PCSK5: variants seen among roughly 807,000 people sequenced by gnomAD.
PCSK5 encodes prohormone convertase 5.
PCSK5 carries 129 observed loss-of-function variants against 233.2 expected under a neutral mutation model. That is an observed-to-expected ratio of 0.55 (90% CI 0.48 to 0.64). The LOEUF is 0.64. Among genes scored for constraint, PCSK5 ranks in the 30% least tolerant of loss-of-function variants. The probability of loss-of-function intolerance (pLI) is 0.00; values close to 1 mark genes in which losing one functional copy is unlikely to be tolerated. For missense variants in PCSK5, 2,076 were observed against 2,430.1 expected (o/e 0.85, Z 3.06); for synonymous variants, 825 against 879.2 (o/e 0.94, Z 1.09).
intron 5 of PCSK5, among the ~76,000 whole-genome samples, chr9:76,053,202 T>A (rs1355143459): frequency 2.0e-5 from 3 of 152,190 alleles, no homozygotes; most frequent in African/African-American, 7.2e-5. Context: ...ACAGCTCTGC[T>A]ACGCAGTGCC....
At chr9:75,965,133 A>T (rs1428270804) in intron 2 of PCSK5, among the ~76,000 whole-genome samples, 1 of 152,206 alleles carries the variant, frequency 6.6e-6, no homozygotes, top group Non-Finnish European at 1.5e-5. Context: ...GTGGGAGGAC[A>T]CAAGAGGCAG....
intron 10 of PCSK5, among the ~76,000 whole-genome samples, chr9:76,150,494 G>A (rs763398099): frequency 3.3e-5 from 5 of 152,194 alleles, no homozygotes; most frequent in East Asian, 1.9e-4. Context: ...TTAGCCAGGC[G>A]TGGTGGCACA....
At chr9:75,962,365 C>T (rs549675067) in intron 2 of PCSK5, among the ~76,000 whole-genome samples, 56 of 152,302 alleles carry the variant, frequency 3.7e-4, no homozygotes, top group South Asian at 8.3e-4. Context: ...CCTGGCAACT[C>T]GGCAGGTGCA....
At chr9:76,189,548 T>TAAGA (rs1357642634) in intron 19 of PCSK5, 83 bp from the exon 20 acceptor site, 4 of 829,040 alleles carry the variant, frequency 4.8e-6, no homozygotes, top group East Asian at 2.5e-5. Flanking sequence ...TAATTAAATG[T>TAAGA]AAGACATTAT....
chr9:76,238,865 C>T lies in PCSK5; in HGVS notation c.2867-94C>T, dbSNP rs559492169. On this transcript the variant is annotated intron_variant, in intron 22 of 37. Transcript: ENST00000674117. ...CCACTAGGAAAAAAAAGCACTCAGT[C>T]GCATCTTTTTAAAATATAATATCTT... 7.6e-6 allele frequency: 7 copies of T among 922,966 alleles called. No individual in the cohort carries two copies. The South Asian group carries it at 8.1e-5, about 11-fold the overall frequency. The allele number at this position is 922,966 out of a possible 1,614,324, so 57.2% of individuals were successfully genotyped here.
chr9:76,141,897 A>T (rs754787218), intron 10 of PCSK5, among the ~76,000 whole-genome samples: 1 of 152,102 alleles, frequency 6.6e-6, no homozygotes, highest in African/African-American at 2.4e-5. Context: ...CAAATACTAC[A>T]TGTTCTCACT....
At chr9:76,193,453 CTCTCTT>C (rs1390922441) in intron 20 of PCSK5, 3 of 858,648 alleles carry the variant, frequency 3.5e-6, no homozygotes, top group Non-Finnish European at 5.0e-6. Context: ...CAAGCCACCT[CTCTCTT>C]TCTTTTCTTG....
chr9:75,969,312 T>G (rs1374212199), intron 2 of PCSK5, among the ~76,000 whole-genome samples: 1 of 152,138 alleles, frequency 6.6e-6, no homozygotes, highest in Non-Finnish European at 1.5e-5. Flanking sequence ...CTTTGGTGAT[T>G]GTCTTTTCTT....
At chr9:76,122,653 A>G (rs1301539166) in intron 9 of PCSK5, among the ~76,000 whole-genome samples, 2 of 151,890 alleles carry the variant, frequency 1.3e-5, no homozygotes. Flanking sequence ...CAAACTCTTA[A>G]GTTGATCTGT....
At chr9:76,221,201 T>C (rs1042945726) in intron 20 of PCSK5, among the ~76,000 whole-genome samples, 1 of 152,212 alleles carries the variant, frequency 6.6e-6, no homozygotes, top group African/African-American at 2.4e-5. Context: ...GTATAATCAA[T>C]CATTGAGTAA....
intron 1 of PCSK5, among the ~76,000 whole-genome samples, chr9:75,910,448 T>G (rs1237610963): frequency 6.6e-6 from 1 of 152,232 alleles, no homozygotes; most frequent in African/African-American, 2.4e-5. Context: ...TCCTAGAGCT[T>G]AATTGCTCTC....
intron 3 of PCSK5, among the ~76,000 whole-genome samples, chr9:76,009,402 G>A (rs1320892243): frequency 6.6e-6 from 1 of 152,022 alleles, no homozygotes; most frequent in Non-Finnish European, 1.5e-5. Flanking sequence ...GCCGAGGTGG[G>A]TGGATCACGA....
intron 7 of PCSK5, among the ~76,000 whole-genome samples, 192 bp from the exon 8 acceptor site, chr9:76,095,698 C>T (rs1485828031): frequency 6.6e-6 from 1 of 152,104 alleles, no homozygotes; most frequent in Non-Finnish European, 1.5e-5. Context: ...TATGTGTACT[C>T]TTGTAACTTT....
At chr9:75,897,419 C>T (rs1825852554) in intron 1 of PCSK5, among the ~76,000 whole-genome samples, 1 of 151,702 alleles carries the variant, frequency 6.6e-6, no homozygotes, top group African/African-American at 2.4e-5. Context: ...CTAAGGCTCC[C>T]ATCTCCTGTT....
intron 1 of PCSK5, among the ~76,000 whole-genome samples, chr9:75,917,749 T>C (rs538717804): frequency 6.6e-6 from 1 of 152,348 alleles, no homozygotes. Context: ...GATGAACTCC[T>C]GTTAAGCCTG....
At chr9:76,199,331 G>C (rs1824822810) in intron 20 of PCSK5, among the ~76,000 whole-genome samples, 1 of 152,158 alleles carries the variant, frequency 6.6e-6, no homozygotes, top group Non-Finnish European at 1.5e-5. Flanking sequence ...CATAGAAAAG[G>C]TATGGTAAAT....
chr9:76,178,919 T>C (rs745687126), intron 14 of PCSK5, among the ~76,000 whole-genome samples: 6 of 152,212 alleles, frequency 3.9e-5, no homozygotes, highest in African/African-American at 7.2e-5. Context: ...TACCAAAGAA[T>C]ATGTAGTAAG....
chr9:76,076,360 A>T (rs955773742), intron 7 of PCSK5, among the ~76,000 whole-genome samples: 1 of 152,170 alleles, frequency 6.6e-6, no homozygotes, highest in African/African-American at 2.4e-5. Context: ...GACTAAACAG[A>T]ATTGTGGCCT....
intron 9 of PCSK5, among the ~76,000 whole-genome samples, chr9:76,108,155 A>C (rs1832054002): frequency 6.6e-6 from 1 of 152,114 alleles, no homozygotes; most frequent in Non-Finnish European, 1.5e-5. Flanking sequence ...GCTGGCTCAG[A>C]CCCCGCTGGA....
Sources: allele counts gnomAD v4.1 joint callset (sites outside exome capture counted in the v4.1 genomes callset), GRCh38; gene constraint gnomAD v4.1.1; transcripts MANE v1.5; gene names NCBI Gene and HGNC (gene_info 2026-07-23, HGNC 2026-07-21).